The following PEX6 variants were observed in gnomAD, a reference collection of about 807,000 sequenced individuals.
The protein encoded by PEX6 is peroxisomal biogenesis factor 6.
PEX6 carries 55 observed loss-of-function variants against 85.6 expected under a neutral mutation model. The ratio of observed to expected loss-of-function variants is 0.64; its 90% CI spans 0.52 to 0.80. PEX6 has a LOEUF of 0.80. PEX6 is among the 30% of genes least tolerant of loss of function. PEX6 has a pLI of 0.00. For missense variants in PEX6, 1,099 were observed against 1,260.3 expected (o/e 0.87, Z 1.94); for synonymous variants, 519 against 549.1 (o/e 0.95, Z 0.77).
Position 42,978,422 on chromosome 6 carries a change from C to G in PEX6, c.729G>C (p.Gln243His). The G allele has an allele frequency of 6.2e-7, 1 of 1,614,074 alleles. No homozygotes were observed. The highest frequency in any genetic ancestry group is 8.5e-7 in the Non-Finnish European group (1 of 1,180,016). Reference sequence around the variant, plus strand: ...AGAGGTCCCAGCGAGGTTCTAGGACCTGCACCCTAGCCAAGTGCGGCTGTG... The same window carrying G: ...AGAGGTCCCAGCGAGGTTCTAGGACGTGCACCCTAGCCAAGTGCGGCTGTG... ...NTSQPHLARVQVLEPRWDLSD... is the reference protein window; with the variant it reads ...NTSQPHLARVHVLEPRWDLSD... Residue 243 changes from glutamine (Q) to histidine (H), a missense_variant, in exon 1 of 17, where the codon CAG (glutamine) becomes CAC (histidine). Coordinates refer to ENST00000304611, the MANE Select transcript of PEX6 (RefSeq NM_000287.4).
intron 2 of PEX6, among the ~76,000 whole-genome samples, chr6:42,974,588 G>C (rs1770203667): frequency 6.7e-6 from 1 of 149,472 alleles, no homozygotes; most frequent in South Asian, 2.1e-4. Context: ...CTCCCAAGTA[G>C]CTGGGACTAC....
chr6:42,966,608 C>T lies in PEX6; in HGVS notation c.2011G>A (p.Gly671Ser), dbSNP rs776805570. The T allele has an allele frequency of 5.6e-6, 9 of 1,614,022 alleles. No individual in the cohort carries two copies. Among genetic ancestry groups the T allele is most frequent in the African/African-American group, 5.3e-5 (4 of 74,908 alleles). Residue 671 changes from glycine to serine, a missense_variant, in exon 10 of 17, where the codon GGC becomes AGC. Physicochemically the swap from Gly to Ser is moderately conservative, Grantham distance 56. Transcript: ENST00000304611. Reference sequence around the variant, plus strand: ...AAGTCCTCAGCCAGGAGAGGAAAGCCGGCAGCACACAGCTCCCCCTCATCC... The same window carrying T: ...AAGTCCTCAGCCAGGAGAGGAAAGCTGGCAGCACACAGCTCCCCCTCATCC... The part of the protein sequence containing the change: ...EEDEGELCAA[G>S]FPLLAEDFGQ...
chr6:42,973,951 T>A, intron 3 of PEX6, 52 bp downstream of exon 3: 2 of 1,217,678 alleles, frequency 1.6e-6, no homozygotes, highest in South Asian at 2.4e-5. Flanking sequence ...ATTGTAGAAC[T>A]CATGCACCCA....
intron 8 of PEX6, 150 bp downstream of exon 8, chr6:42,967,218 C>G: frequency 1.3e-6 from 1 of 741,836 alleles, no homozygotes; most frequent in Non-Finnish European, 2.3e-6. Context: ...ATCCGCCCAC[C>G]TCGGCCTCCC....
chr6:42,974,859 A>T lies in PEX6; in HGVS notation c.1046+16T>A. 6.2e-7 allele frequency: 1 copy of T among 1,611,444 alleles called. No individual in the cohort carries two copies. Among genetic ancestry groups the T allele is most frequent in the East Asian group, 2.2e-5 (1 of 44,866 alleles). On this transcript the variant is annotated intron_variant, in intron 2 of 16. Transcript: ENST00000304611. Reference sequence around the variant, plus strand: ...AGGGTGAGAAGCTATCCTCCTTAAAAGGTTAGGTAGCTAACCTGGGTATCT... The same window carrying T: ...AGGGTGAGAAGCTATCCTCCTTAAATGGTTAGGTAGCTAACCTGGGTATCT...
rs562698757 is a variant in PEX6 at position 42,966,539 on chromosome 6, C to T, written c.2080G>A (p.Val694Ile). ...TTGGTCTCCACCTTGGGGGCTCCAA[C>T]GGCCTGGGAGTGAGCTGTCTGCAGT... ...EQLQTAHSQA[V>I]GAPKIPSVSW... Residue 694 changes from valine to isoleucine, a missense_variant, in exon 10 of 17, where the codon GTT becomes ATT. Physicochemically the swap from Val to Ile is conservative, Grantham distance 29. Transcript: ENST00000304611. 4.5e-5 allele frequency: 72 copies of T among 1,614,152 alleles called. No homozygotes were observed. The highest frequency in any genetic ancestry group is 8.0e-5 in the African/African-American group (6 of 75,020).
chr6:42,967,313 G>A (rs954950227), intron 8 of PEX6, 55 bp downstream of exon 8: 5 of 1,539,356 alleles, frequency 3.2e-6, no homozygotes, highest in Admixed American at 3.6e-5. Flanking sequence ...CTGAGTTCTT[G>A]TAACAAAAGC....
At chr6:42,966,964 G>GTTTTT (rs1181573346) in intron 8 of PEX6, 106 bp from the exon 9 acceptor site, 67 of 585,964 alleles carry the variant, frequency 1.1e-4, no homozygotes, top group Admixed American at 4.0e-4. Flanking sequence ...CCTTAGGTTT[G>GTTTTT]TTGTTTTTTT....
chr6:42,976,075 G>A (rs953821502), intron 1 of PEX6, among the ~76,000 whole-genome samples: 16 of 147,652 alleles, frequency 1.1e-4, no homozygotes, highest in African/African-American at 4.1e-4. Context: ...TGTATTTTTA[G>A]TAGAGACGGG....
chr6:42,973,982 G>GGACAGAAGGCAGCTGCAT, intron 3 of PEX6, 21 bp downstream of exon 3: 1 of 1,569,852 alleles, frequency 6.4e-7, no homozygotes, highest in Non-Finnish European at 8.8e-7. Flanking sequence ...CCCAGCTGTA[G>GGACAGAAGGCAGCTGCAT]GACAGAAGGC....
rs1385253927 is a variant in PEX6 at position 42,978,453 on chromosome 6, T to C, written c.698A>G (p.Asn233Ser). The stretch of plus-strand genomic sequence containing the variant: ...CCTAGCCAAGTGCGGCTGTGAAGTG[T>C]TCGATGACTCTCTGGCCTGGGCCAC... ...VWVAQARESS[N>S]TSQPHLARVQ... Residue 233 changes from asparagine to serine, a missense_variant, in exon 1 of 17, where the codon AAC becomes AGC. Coordinates refer to ENST00000304611, the MANE Select transcript of PEX6 (RefSeq NM_000287.4). 2 of 1,613,896 alleles carry C rather than the reference T, an allele frequency of 1.2e-6. No individual in the cohort carries two copies. The highest frequency in any genetic ancestry group is 1.7e-6 in the Non-Finnish European group (2 of 1,180,010).
chr6:42,974,133 G>A, intron 2 of PEX6, 47 bp from the exon 3 acceptor site: 16 of 1,402,986 alleles, frequency 1.1e-5, no homozygotes, highest in Non-Finnish European at 1.5e-5. Context: ...GGAGTAATGA[G>A]CATGTGTTCA....
intron 3 of PEX6, 81 bp from the exon 4 acceptor site, chr6:42,970,068 A>G (rs560283369): frequency 5.2e-4 from 575 of 1,108,706 alleles, no homozygotes; most frequent in East Asian, 1.0e-3. Context: ...TCAATCACAG[A>G]GGACAAACAA....
chr6:42,972,220 T>C (rs1561825613), intron 3 of PEX6, among the ~76,000 whole-genome samples: 1 of 152,246 alleles, frequency 6.6e-6, no homozygotes, highest in East Asian at 1.9e-4. Context: ...CTATCAGCTG[T>C]GCTCTCCTTC....
In PEX6 at chr6:42,971,551, C is replaced by T. The variant is rs1329499891; in HGVS notation, c.1131-1564G>A. Among the ~76,000 whole-genome samples, 5 of 152,210 alleles carry T rather than the reference C, an allele frequency of 3.3e-5. No individual in the cohort carries two copies. Among genetic ancestry groups the T allele is most frequent in the Non-Finnish European group, 1.5e-5 (1 of 68,038 alleles). On this transcript the variant is annotated intron_variant, in intron 3 of 16. Transcript: ENST00000304611. This position sits in a 1 kb window ranked among gnomAD's most constrained non-coding sequence, Gnocchi z 4.4. ...TGCAGCCTGGTTTGGGGAAGTGGAG[C>T]ACCAGGGACAGGATGAAGAGGCTAC...
At position 42,965,975 on chromosome 6, in the gene PEX6, T is replaced by C. The variant is rs1769781316; in HGVS notation, c.2362+69A>G. On this transcript the variant is annotated intron_variant, in intron 12 of 16. Coordinates refer to ENST00000304611, the MANE Select transcript of PEX6 (RefSeq NM_000287.4). The surrounding 1 kb of genome is among the most constrained non-coding windows in gnomAD (Gnocchi z 5.0). ...GGAATGATCATGAGTAGCCTGGGAG[T>C]AGGGGGTGGCTTGGGGGCCATCGGG... The C allele has an allele frequency of 3.9e-6, 6 of 1,527,534 alleles. No homozygotes were observed. In the Admixed American group the frequency reaches 1.0e-4, roughly 26 times the overall value. 94.6% of individuals were successfully genotyped at this position (1,527,534 alleles called of 1,614,324 possible). A position where few individuals can be genotyped will look rare whatever the true frequency, so the allele number is the denominator to read the frequency against.
rs202071508 is a variant in PEX6 at position 42,975,087 on chromosome 6, G to C, written c.883-49C>G. On this transcript the variant is annotated intron_variant, in intron 1 of 16. Coordinates refer to ENST00000304611, the MANE Select transcript of PEX6 (RefSeq NM_000287.4). ...TTATAACCTTCTCCTAAGGGGGCAG[G>C]CTCTAACCTGTCTCTCAGCAGCCAA... 1.2e-4 allele frequency: 172 copies of C among 1,455,226 alleles called. 1 individual carries two copies. The African/African-American group carries it at 2.1e-3, about 18-fold the overall frequency. The allele number at this position is 1,455,226 out of a possible 1,614,324, so 90.1% of individuals were successfully genotyped here.
At position 42,977,251 on chromosome 6, in the gene PEX6, C is replaced by CCTTTTTTTT. The variant is rs34536442; in HGVS notation, c.882+1017_882+1018insAAAAAAAAG. Among the ~76,000 whole-genome samples the CCTTTTTTTT allele has an allele frequency of 3.2e-5, 4 of 126,678 alleles. 1 individual carries two copies. The highest frequency in any genetic ancestry group is 6.5e-5 in the Non-Finnish European group (4 of 61,482). 83.1% of individuals were successfully genotyped at this position (126,678 alleles called of 152,430 possible). On this transcript the variant is annotated intron_variant, in intron 1 of 16. Coordinates refer to ENST00000304611, the MANE Select transcript of PEX6 (RefSeq NM_000287.4). ...ATTAACATACACATCTGAAACCTCA[C>CCTTTTTTTT]TTTTTTTTTTTTTTTTTTTTACACA... is the stretch of plus-strand genomic sequence containing the variant.
At position 42,969,655 on chromosome 6, in the gene PEX6, T is replaced by C; in HGVS notation, c.1367+13A>G. 6.2e-7 allele frequency: 1 copy of C among 1,612,166 alleles called. No homozygotes were observed. Among genetic ancestry groups the C allele is most frequent in the South Asian group, 1.1e-5 (1 of 90,992 alleles). ...AGGCTTTTCTCACACCCTGGGGTGA[T>C]GACCTCACTCACCCTGGCTGGAGGC... is the stretch of plus-strand genomic sequence containing the variant. On this transcript the variant is annotated intron_variant, in intron 5 of 16. Coordinates refer to ENST00000304611, the MANE Select transcript of PEX6 (RefSeq NM_000287.4).
Sources: gnomAD v4.1 joint callset for allele counts (sites outside exome capture counted in the v4.1 genomes callset) on GRCh38, gnomAD v4.1.1 for gene constraint, Gnocchi (gnomAD v3.1) non-coding constraint, MANE v1.5 for transcripts, NCBI Gene and HGNC (gene_info 2026-07-23, HGNC 2026-07-21) for gene names.